THSD7A: variants seen among roughly 807,000 people sequenced by gnomAD.
THSD7A encodes thrombospondin type 1 domain containing 7A, also known as thrombospondin type-1 domain-containing protein 7A.
In THSD7A, 96 loss-of-function variants were observed where a neutral mutation model predicts 231.3. The observed-to-expected ratio is 0.41, with a 90% CI of 0.35 to 0.49. THSD7A has a LOEUF of 0.49. Ranked by LOEUF, THSD7A falls within the 20% of genes least tolerant of loss-of-function variation. THSD7A has a pLI of 0.05. For synonymous variants in THSD7A, 940 were observed against 743.3 expected, an observed-to-expected ratio of 1.26 and a Z score of -4.30; for missense variants, 2,290 against 2,070.2, an observed-to-expected ratio of 1.11 and a Z score of -2.06.
rs749676931 is a variant in THSD7A at position 11,636,192 on chromosome 7, C to T, written c.960G>A (p.Gln320=). 2.5e-6 allele frequency: 4 copies of T among 1,613,892 alleles called. No individual in the cohort carries two copies. In the Admixed American group the frequency reaches 5.0e-5, roughly 20 times the overall value. The stretch of plus-strand genomic sequence containing the variant: ...TAACCTCTCTGGTCTGATATCCAAT[C>T]TGGATGTCCCAATATTTGTTCTCTT... The part of the protein sequence containing the change: ...NRQENKYWDI[Q]IGYQTREVMC... The change falls in exon 2 of 28, where the codon CAG becomes CAA. Residue 320 remains glutamine (Q), a synonymous_variant. Transcript: ENST00000423059. This position sits in a 1 kb window ranked among gnomAD's most constrained non-coding sequence, Gnocchi z 10.0.
At chr7:11,401,142 G>T (rs1050341834) in intron 23 of THSD7A, among the ~76,000 whole-genome samples, 2 of 151,946 alleles carry the variant, frequency 1.3e-5, no homozygotes, top group Non-Finnish European at 2.9e-5. Flanking sequence ...CTTTGCTGTG[G>T]ATTTGTAATT....
At chr7:11,724,454 C>G (rs1342370581) in intron 1 of THSD7A, among the ~76,000 whole-genome samples, 2 of 151,738 alleles carry the variant, frequency 1.3e-5, no homozygotes, top group East Asian at 3.9e-4. Context: ...GATTTTATTG[C>G]TTATAATCAG....
chr7:11,582,558 G>A lies in THSD7A; in HGVS notation c.1453+7902C>T, dbSNP rs548422437. On this transcript the variant is annotated intron_variant, in intron 4 of 27. Coordinates refer to ENST00000423059, the MANE Select transcript of THSD7A (RefSeq NM_015204.3). Reference sequence around the variant, plus strand: ...ATCTTTAATCAATCTTTCTTGGTTTGATTTCCTTCTTCTTAAATATCCTTT... The same window carrying A: ...ATCTTTAATCAATCTTTCTTGGTTTAATTTCCTTCTTCTTAAATATCCTTT... Among the ~76,000 whole-genome samples, 56 of 152,012 alleles carry A rather than the reference G, an allele frequency of 3.7e-4. No homozygotes were observed. The South Asian group carries it at 5.4e-3, about 15-fold the overall frequency.
chr7:11,635,910 G>A (rs963106671), intron 2 of THSD7A, among the ~76,000 whole-genome samples: 2 of 151,846 alleles, frequency 1.3e-5, no homozygotes, highest in Admixed American at 6.6e-5. Context: ...GACTTTGAAA[G>A]GAAAATCAAA....
At chr7:11,801,673 G>T (rs967791630) in intron 1 of THSD7A, among the ~76,000 whole-genome samples, 1 of 152,042 alleles carries the variant, frequency 6.6e-6, no homozygotes, top group African/African-American at 2.4e-5. Context: ...GGAAAAAAAA[G>T]AATACATTTT....
Position 11,481,992 on chromosome 7 carries a change from A to G in THSD7A, c.1823-10T>C, listed in dbSNP as rs1419991036. ...CTGTCAACTTCTTCTCCTGGGGAAA[A>G]CATGACCACCAACAGCTATTATTGT... On this transcript the variant is annotated splice_polypyrimidine_tract_variant and intron_variant, in intron 6 of 27. Coordinates refer to ENST00000423059, the MANE Select transcript of THSD7A (RefSeq NM_015204.3). 6 of 1,585,636 alleles carry G rather than the reference A, an allele frequency of 3.8e-6. No homozygotes were observed. Among genetic ancestry groups the G allele is most frequent in the African/African-American group, 1.3e-5 (1 of 74,190 alleles).
At chr7:11,651,721 C>A (rs981252513) in intron 1 of THSD7A, among the ~76,000 whole-genome samples, 3 of 151,774 alleles carry the variant, frequency 2.0e-5, no homozygotes, top group Non-Finnish European at 4.4e-5. Flanking sequence ...AAGTAAAGGG[C>A]CAATTATAGA....
chr7:11,677,866 C>T (rs1273427657), intron 1 of THSD7A, among the ~76,000 whole-genome samples: 1 of 152,092 alleles, frequency 6.6e-6, no homozygotes, highest in African/African-American at 2.4e-5. Context: ...CTACAAAACT[C>T]TCCACCCCAA....
At chr7:11,592,815 T>A (rs747186363) in intron 3 of THSD7A, among the ~76,000 whole-genome samples, 1 of 152,222 alleles carries the variant, frequency 6.6e-6, no homozygotes, top group Non-Finnish European at 1.5e-5. Flanking sequence ...CCTTGTGGAA[T>A]GGAGGTTGAC....
At chr7:11,459,952 G>A (rs10224154) in intron 11 of THSD7A, among the ~76,000 whole-genome samples, 27,297 of 151,874 alleles carry the variant, frequency 0.18, 3,483 homozygotes, top group African/African-American at 0.36. Flanking sequence ...AAGTCAATAT[G>A]AGTAAAAATA....
chr7:11,516,579 C>T (rs532940995), intron 6 of THSD7A, among the ~76,000 whole-genome samples: 1 of 152,206 alleles, frequency 6.6e-6, no homozygotes, highest in East Asian at 1.9e-4. Flanking sequence ...CAACATCCAT[C>T]TTCAGTGTGA....
At chr7:11,481,683 C>A (rs962035172) in intron 7 of THSD7A, 105 bp downstream of exon 7, 4 of 1,207,242 alleles carry the variant, frequency 3.3e-6, no homozygotes, top group Non-Finnish European at 4.5e-6. Context: ...GGCTGAATTT[C>A]TGGTTGTTGA....
At position 11,613,477 on chromosome 7, in the gene THSD7A, GGTT is replaced by G. The variant is rs572418314; in HGVS notation, c.1023-19978_1023-19976del. ...GTGATAATAACATATGGGGCTTTCA[GGTT>G]GTTGTGCAGAGTCATATCTTTCCTT... On this transcript the variant is annotated intron_variant, in intron 2 of 27. Coordinates refer to ENST00000423059, the MANE Select transcript of THSD7A (RefSeq NM_015204.3). 2.1e-4 allele frequency among the ~76,000 whole-genome samples: 32 copies of G among 152,260 alleles called. No individual in the cohort carries two copies. The South Asian group carries it at 4.4e-3, about 21-fold the overall frequency.
Position 11,496,471 on chromosome 7 carries a change from T to C in THSD7A, c.1823-14489A>G, listed in dbSNP as rs558834306. On this transcript the variant is annotated intron_variant, in intron 6 of 27. Transcript: ENST00000423059. ...TGCCCAAGGTTACACAAGTTGATGA[T>C]GGAGTTGGAGATTCAGTGACCATAT... Among the ~76,000 whole-genome samples the C allele has an allele frequency of 9.2e-5, 14 of 152,240 alleles. No homozygotes were observed. In the South Asian group the frequency reaches 2.9e-3, roughly 32 times the overall value.
rs143551608 is a variant in THSD7A, at chr7:11,792,604, G to A, written c.190+39153C>T. ...CATTTGTTCAGCCTGCAGAGTGAATGTAATGTCTTCTAACTGAATCAAATG... is the reference window on the plus strand; with the variant it reads ...CATTTGTTCAGCCTGCAGAGTGAATATAATGTCTTCTAACTGAATCAAATG... On this transcript the variant is annotated intron_variant, in intron 1 of 27. Transcript: ENST00000423059. 5.3e-3 allele frequency among the ~76,000 whole-genome samples: 803 copies of A among 152,058 alleles called. 9 individuals are homozygous for A. The highest frequency in any genetic ancestry group is 0.019 in the African/African-American group (774 of 41,512).
In THSD7A at chr7:11,372,364, C is replaced by G. The variant is rs559129624; in HGVS notation, c.*3430G>C. 4.5e-4 allele frequency: 65 copies of G among 145,552 alleles called. No individual in the cohort carries two copies. Among genetic ancestry groups the G allele is most frequent in the South Asian group, 1.1e-3 (5 of 4,690 alleles). The allele number at this position is 145,552 out of a possible 1,614,324, so 9.0% of individuals were successfully genotyped here. On this transcript the variant is annotated 3_prime_UTR_variant, in exon 28 of 28. Transcript: ENST00000423059. ...TTTTTTTTTTTTTTACAATGCCTAG[C>G]AGAATGTCTTATATGTCAATAAATA... is the stretch of plus-strand genomic sequence containing the variant.
In THSD7A at chr7:11,595,513, C is replaced by T. The variant is rs148294288; in HGVS notation, c.1023-2011G>A. 8.2e-3 allele frequency among the ~76,000 whole-genome samples: 1,246 copies of T among 152,176 alleles called. 9 individuals carry two copies. Among genetic ancestry groups the T allele is most frequent in the Non-Finnish European group, 0.012 (805 of 68,012 alleles). On this transcript the variant is annotated intron_variant, in intron 2 of 27. Coordinates refer to ENST00000423059, the MANE Select transcript of THSD7A (RefSeq NM_015204.3). The stretch of plus-strand genomic sequence containing the variant: ...GCTAAAATATGGATAAAAGATGGCC[C>T]ATTGTGAGCGAGCTGGAAATGCCTG...
Position 11,474,273 on chromosome 7 carries a change from C to A in THSD7A, c.2252+61G>T. ...TTCCATTTCATGAAGCCAGTGAAGC[C>A]TGAGCCAATCCTCTGCACAGGTGGC... On this transcript the variant is annotated intron_variant, in intron 8 of 27. Transcript: ENST00000423059. The surrounding 1 kb of genome is among the most constrained non-coding windows in gnomAD (Gnocchi z 4.1). 7.1e-7 allele frequency: 1 copy of A among 1,404,804 alleles called. No homozygotes were observed. Among genetic ancestry groups the A allele is most frequent in the Non-Finnish European group, 9.8e-7 (1 of 1,021,716 alleles). 87.0% of individuals were successfully genotyped at this position (1,404,804 alleles called of 1,614,324 possible).
At position 11,511,516 on chromosome 7, in the gene THSD7A, C is replaced by T. The variant is rs573592582; in HGVS notation, c.1823-29534G>A. ...AAAGAACAAAGCTGGAGGCATCACG[C>T]TACCTGACTTCAAACTATACCACAA... On this transcript the variant is annotated intron_variant, in intron 6 of 27. Transcript: ENST00000423059. 1.2e-3 allele frequency among the ~76,000 whole-genome samples: 185 copies of T among 152,328 alleles called. 1 individual carries two copies. Among genetic ancestry groups the T allele is most frequent in the African/African-American group, 4.4e-3 (182 of 41,566 alleles).
Sources: gnomAD v4.1 joint callset for allele counts (sites outside exome capture counted in the v4.1 genomes callset) on GRCh38, gnomAD v4.1.1 for gene constraint, Gnocchi (gnomAD v3.1) non-coding constraint, MANE v1.5 for transcripts, NCBI Gene and HGNC (gene_info 2026-07-23, HGNC 2026-07-21) for gene names.